CPNE4: variants seen among roughly 807,000 people sequenced by gnomAD.
CPNE4 encodes the protein copine-4.
In CPNE4, 25 loss-of-function variants were observed where a neutral mutation model predicts 67.9. The observed-to-expected ratio is 0.37, with a 90% CI of 0.27 to 0.51. The LOEUF is 0.51. Among genes scored for constraint, CPNE4 ranks in the 20% least tolerant of loss-of-function variants. CPNE4 has a pLI of 0.93. For missense variants in CPNE4, 464 were observed against 690.8 expected, an observed-to-expected ratio of 0.67 and a Z score of 3.68; for synonymous variants, 242 against 244.9, an observed-to-expected ratio of 0.99 and a Z score of 0.11.
intron 2 of CPNE4, among the ~76,000 whole-genome samples, chr3:131,793,300 T>C (rs1276532174): frequency 6.6e-6 from 1 of 152,170 alleles, no homozygotes; most frequent in Middle Eastern, 3.2e-3. Context: ...AAGAGGGAAA[T>C]TTTAATCATG....
intron 2 of CPNE4, among the ~76,000 whole-genome samples, chr3:131,878,286 G>A (rs1294207863): frequency 6.6e-6 from 1 of 152,128 alleles, no homozygotes; most frequent in Non-Finnish European, 1.5e-5. Flanking sequence ...ACAGCATACA[G>A]CAATGATAAT....
At chr3:131,611,937 C>G (rs1273004815) in intron 7 of CPNE4, among the ~76,000 whole-genome samples, 1 of 152,132 alleles carries the variant, frequency 6.6e-6, no homozygotes, top group Non-Finnish European at 1.5e-5. Context: ...CAGGTTTTCT[C>G]TCCAAGTATG....
intron 2 of CPNE4, among the ~76,000 whole-genome samples, chr3:131,738,173 T>C (rs1241392036): frequency 6.6e-6 from 1 of 152,242 alleles, no homozygotes; most frequent in Admixed American, 6.5e-5. Context: ...CTGTGGTGCC[T>C]TGTGGTGGAG....
intron 1 of CPNE4, among the ~76,000 whole-genome samples, chr3:131,923,704 C>CAAAAAAAAAAAAAAAAA (rs3041574): frequency 5.1e-5 from 2 of 39,288 alleles, no homozygotes; most frequent in Non-Finnish European, 8.1e-5. Context: ...GACTCCGTCT[C>CAAAAAAAAAAAAAAAAA]AAAAAAAAAA....
intron 1 of CPNE4, among the ~76,000 whole-genome samples, chr3:131,929,196 C>CAA (rs57462900): frequency 7.3e-4 from 72 of 98,778 alleles, no homozygotes; most frequent in Non-Finnish European, 1.1e-3. Context: ...TTGTCCTCAC[C>CAA]AAAAAAAAAA....
chr3:131,921,804 G>T (rs143070147), intron 1 of CPNE4, among the ~76,000 whole-genome samples: 6 of 152,254 alleles, frequency 3.9e-5, no homozygotes, highest in Middle Eastern at 3.4e-3. Flanking sequence ...ATGATGAATC[G>T]TCAAAGTAAT....
chr3:131,760,035 G>A (rs2082849960), intron 2 of CPNE4, among the ~76,000 whole-genome samples: 1 of 152,142 alleles, frequency 6.6e-6, no homozygotes, highest in African/African-American at 2.4e-5. Flanking sequence ...TTGCCATTGT[G>A]ACCTACTGTG....
At chr3:131,775,605 G>A (rs1482675975) in intron 2 of CPNE4, among the ~76,000 whole-genome samples, 1 of 152,098 alleles carries the variant, frequency 6.6e-6, no homozygotes, top group Non-Finnish European at 1.5e-5. Context: ...GTTTTATAAA[G>A]GGGAGTTTCC....
intron 7 of CPNE4, among the ~76,000 whole-genome samples, chr3:131,616,681 CTCT>C (rs935364428): frequency 6.6e-6 from 1 of 152,172 alleles, no homozygotes; most frequent in Admixed American, 6.5e-5. Context: ...TTCTCTCCTC[CTCT>C]TGTTGATCCC....
At chr3:131,800,491 T>C (rs1015508801) in intron 2 of CPNE4, among the ~76,000 whole-genome samples, 12 of 152,278 alleles carry the variant, frequency 7.9e-5, no homozygotes, top group Admixed American at 2.0e-4. Context: ...ATCTGAGCCA[T>C]TGGATCTGAG....
chr3:131,633,852 C>T (rs2079302627), intron 7 of CPNE4, among the ~76,000 whole-genome samples: 1 of 151,916 alleles, frequency 6.6e-6, no homozygotes, highest in Admixed American at 6.6e-5. Flanking sequence ...CTCCCCTTTC[C>T]CTTCTTTATT....
chr3:131,837,367 G>A lies in CPNE4; in HGVS notation c.180+67897C>T, dbSNP rs549050421. Among the ~76,000 whole-genome samples the A allele has an allele frequency of 2.0e-5, 3 of 152,120 alleles. No homozygotes were observed. The South Asian group carries it at 6.2e-4, about 32-fold the overall frequency. On this transcript the variant is annotated intron_variant, in intron 2 of 15. Transcript: ENST00000429747. ...TGAGATATTACACAGCAATAAAAAGGGACAAACTATTGATACCCAAAAAGG... is the reference window on the plus strand; with the variant it reads ...TGAGATATTACACAGCAATAAAAAGAGACAAACTATTGATACCCAAAAAGG...
chr3:131,748,258 C>T (rs1354032105), intron 2 of CPNE4, among the ~76,000 whole-genome samples: 6 of 151,916 alleles, frequency 3.9e-5, no homozygotes, highest in African/African-American at 9.7e-5. Context: ...TTAAACCAAT[C>T]TTTGGTTTTT....
chr3:131,560,868 G>A (rs1438703648), intron 11 of CPNE4, among the ~76,000 whole-genome samples: 3 of 151,972 alleles, frequency 2.0e-5, no homozygotes, highest in Non-Finnish European at 4.4e-5. Flanking sequence ...TGCAGGTATC[G>A]TCACATTTTA....
chr3:131,919,515 A>C (rs2070682549), intron 1 of CPNE4, among the ~76,000 whole-genome samples: 1 of 152,234 alleles, frequency 6.6e-6, no homozygotes. Context: ...TGATAAAGGC[A>C]GAACAATGGT....
intron 2 of CPNE4, among the ~76,000 whole-genome samples, chr3:131,731,594 T>C (rs1313184652): frequency 6.6e-6 from 1 of 152,148 alleles, no homozygotes; most frequent in African/African-American, 2.4e-5. Flanking sequence ...TCTCGGTTTG[T>C]ATGCCTCATT....
At chr3:131,881,534 G>A (rs2107718146) in intron 2 of CPNE4, among the ~76,000 whole-genome samples, 1 of 151,854 alleles carries the variant, frequency 6.6e-6, no homozygotes, top group Admixed American at 6.6e-5. Context: ...GTCTTTGGCT[G>A]GAAGGTATTG....
chr3:131,813,925 CTT>C (rs2084632572), intron 2 of CPNE4, among the ~76,000 whole-genome samples: 1 of 152,142 alleles, frequency 6.6e-6, no homozygotes, highest in African/African-American at 2.4e-5. Context: ...GTCTCTGTGT[CTT>C]TGACAAGAGG....
chr3:131,854,410 G>T (rs763044657), intron 2 of CPNE4, among the ~76,000 whole-genome samples: 6 of 151,874 alleles, frequency 4.0e-5, no homozygotes, highest in Non-Finnish European at 8.8e-5. Context: ...CTTGGGTGAT[G>T]AAACTATTCT....
Sources: gnomAD v4.1 joint callset for allele counts (sites outside exome capture counted in the v4.1 genomes callset) on GRCh38, gnomAD v4.1.1 for gene constraint, MANE v1.5 for transcripts, NCBI Gene and HGNC (gene_info 2026-07-23, HGNC 2026-07-21) for gene names.